The following PPHLN1 variants were observed in gnomAD, a reference collection of about 807,000 sequenced individuals.
PPHLN1 encodes periphilin 1.
Under a neutral mutation model 51.3 loss-of-function variants are expected in PPHLN1, and 29 were observed. The ratio of observed to expected loss-of-function variants is 0.57; its 90% CI spans 0.42 to 0.77. The LOEUF is 0.77. Ranked by LOEUF, PPHLN1 falls within the 30% of genes least tolerant of loss-of-function variation. The pLI is 0.00. For missense variants in PPHLN1, 436 were observed against 438.4 expected, an observed-to-expected ratio of 0.99 and a Z score of 0.05; for synonymous variants, 147 against 147.8, an observed-to-expected ratio of 0.99 and a Z score of 0.04.
chr12:42,439,227 G>C (rs1259488241), intron 9 of PPHLN1, among the ~76,000 whole-genome samples: 1 of 152,174 alleles, frequency 6.6e-6, no homozygotes, highest in African/African-American at 2.4e-5. Context: ...AAAGGTATAA[G>C]ATCTGTGTCT....
chr12:42,441,475 A>G lies in PPHLN1; in HGVS notation c.1070A>G (p.Asp357Gly), dbSNP rs1199959447. ...CTCAAGCATTTCATTGCAGAGTATG[A>G]TACTTCCACTCAAGATTTTGGAGAG... ...EELKHFIAEY[D>G]TSTQDFGEPF is the part of the protein sequence containing the mutation. The change falls in exon 10 of 10, where the codon GAT becomes GGT. Residue 357 changes from aspartate to glycine, a missense_variant. By Grantham distance (94) the Asp-to-Gly change is moderately conservative (BLOSUM62 -1). Coordinates refer to ENST00000358314, the MANE Select transcript of PPHLN1 (RefSeq NM_201439.2). 1 of 1,608,294 alleles carries G rather than the reference A, an allele frequency of 6.2e-7. No individual in the cohort carries two copies. The highest frequency in any genetic ancestry group is 1.1e-5 in the South Asian group (1 of 89,152).
rs2082949866 is a variant in PPHLN1 at position 42,441,466 on chromosome 12, C to G, written c.1061C>G (p.Ala354Gly). The G allele has an allele frequency of 6.2e-7, 1 of 1,611,672 alleles. No individual in the cohort carries two copies. The highest frequency in any genetic ancestry group is 1.3e-5 in the African/African-American group (1 of 74,354). Residue 354 changes from alanine (A) to glycine (G), a missense_variant, in exon 10 of 10, where the codon GCA (alanine) becomes GGA (glycine). Physicochemically the swap from Ala to Gly is moderately conservative, Grantham distance 60. Coordinates refer to ENST00000358314, the MANE Select transcript of PPHLN1 (RefSeq NM_201439.2). The stretch of plus-strand genomic sequence containing the variant: ...GTTGAAGAACTCAAGCATTTCATTG[C>G]AGAGTATGATACTTCCACTCAAGAT... ...RCVEELKHFI[A>G]EYDTSTQDFG...
intron 4 of PPHLN1, among the ~76,000 whole-genome samples, chr12:42,360,110 C>CAAAAAAAAAAAAAAA (rs10643805): frequency 2.8e-4 from 35 of 123,094 alleles, no homozygotes; most frequent in African/African-American, 5.6e-4. Context: ...GACTCCATCT[C>CAAAAAAAAAAAAAAA]AAAAAAAAAA....
intron 4 of PPHLN1, among the ~76,000 whole-genome samples, chr12:42,363,700 G>A (rs1246550550): frequency 6.6e-6 from 1 of 152,052 alleles, no homozygotes; most frequent in Non-Finnish European, 1.5e-5. Flanking sequence ...CATGCCTGGT[G>A]AAGTTATCTA....
chr12:42,373,670 A>T (rs2075996719), intron 4 of PPHLN1, among the ~76,000 whole-genome samples: 1 of 152,170 alleles, frequency 6.6e-6, no homozygotes, highest in South Asian at 2.1e-4. Context: ...TTAGTTGATG[A>T]TGGTTTCATT....
intron 9 of PPHLN1, among the ~76,000 whole-genome samples, chr12:42,401,400 G>T (rs1356701576): frequency 6.6e-6 from 1 of 151,158 alleles, no homozygotes; most frequent in African/African-American, 2.4e-5. Flanking sequence ...TTATGAAAAT[G>T]TTTATTTTTC....
At chr12:42,443,892 G>A (rs1292013422), downstream of PPHLN1, 1 of 152,150 alleles carries the variant, frequency 6.6e-6, no homozygotes, top group Non-Finnish European at 1.5e-5. Flanking sequence ...TACAATACCA[G>A]CTATCAACAA....
intron 7 of PPHLN1, among the ~76,000 whole-genome samples, chr12:42,388,874 T>A (rs560982470): frequency 5.3e-5 from 8 of 152,270 alleles, no homozygotes; most frequent in African/African-American, 1.9e-4. Flanking sequence ...CCCAGGAGGT[T>A]GAGCCAGCAG....
chr12:42,381,399 A>G (rs534604389), intron 5 of PPHLN1, among the ~76,000 whole-genome samples: 3 of 152,316 alleles, frequency 2.0e-5, no homozygotes, highest in East Asian at 1.9e-4. Context: ...ATGTGTGCAG[A>G]TGATGTTTTC....
chr12:42,418,087 C>T (rs2080605899), intron 9 of PPHLN1, among the ~76,000 whole-genome samples: 1 of 150,954 alleles, frequency 6.6e-6, no homozygotes, highest in Admixed American at 6.6e-5. Context: ...CTACAGGCCC[C>T]TGCCACCAAG....
At chr12:42,347,634 G>C (rs2072554576) in intron 2 of PPHLN1, among the ~76,000 whole-genome samples, 1 of 152,072 alleles carries the variant, frequency 6.6e-6, no homozygotes, top group Non-Finnish European at 1.5e-5. Flanking sequence ...ACAAAAATTA[G>C]CTGGGCATGG....
downstream of PPHLN1, chr12:42,446,370 C>CT (rs1309257779): frequency 2.0e-6 from 3 of 1,494,830 alleles, no homozygotes; most frequent in African/African-American, 4.2e-5. Context: ...CTAAATCTGC[C>CT]TTTTTTCAGC....
At chr12:42,342,534 C>T (rs1474328781) in intron 2 of PPHLN1, among the ~76,000 whole-genome samples, 2 of 152,124 alleles carry the variant, frequency 1.3e-5, no homozygotes, top group Non-Finnish European at 2.9e-5. Flanking sequence ...CATAAAATGT[C>T]GATTTTTTCA....
intron 1 of PPHLN1, among the ~76,000 whole-genome samples, chr12:42,331,596 A>G (rs1195594615): frequency 6.6e-6 from 1 of 152,242 alleles, no homozygotes; most frequent in African/African-American, 2.4e-5. Context: ...TATATTAAAC[A>G]TACCGTCTTC....
rs150349023 is a variant in PPHLN1, at chr12:42,441,329, C to G, written c.924C>G (p.Asp308Glu). Residue 308 changes from aspartate (D) to glutamate (E), a missense_variant, in exon 10 of 10, where the codon GAC (aspartate) becomes GAG (glutamate). Coordinates refer to ENST00000358314, the MANE Select transcript of PPHLN1 (RefSeq NM_201439.2). ...TTACCTTTTAGGTTTACCGACAAGA[C>G]TGTGAAACTTTCGGGATGGTGGTGA... The part of the protein sequence containing the change: ...TKEIEQVYRQ[D>E]CETFGMVVKM... 2.5e-5 allele frequency: 40 copies of G among 1,611,770 alleles called. No individual in the cohort carries two copies. The Admixed American group carries it at 5.2e-4, about 21-fold the overall frequency.
rs1380880945 is a variant in PPHLN1, at chr12:42,417,952, T to TC, written c.909+18958_909+18959insC. Among the ~76,000 whole-genome samples the TC allele has an allele frequency of 2.4e-5, 3 of 124,280 alleles. 1 individual carries two copies. Among genetic ancestry groups the TC allele is most frequent in the Middle Eastern group, 5.6e-3 (1 of 180 alleles). 81.5% of individuals were successfully genotyped at this position (124,280 alleles called of 152,430 possible). A position where few individuals can be genotyped will look rare whatever the true frequency, so the allele number is the denominator to read the frequency against. On this transcript the variant is annotated intron_variant, in intron 9 of 9. Coordinates refer to ENST00000358314, the MANE Select transcript of PPHLN1 (RefSeq NM_201439.2). Reference sequence around the variant, plus strand: ...TTTTTGTTTTTTTTTTGTTTTTTTTTTTTTTGAGACAGAGTCTCGCTCTGT... The same window carrying TC: ...TTTTTGTTTTTTTTTTGTTTTTTTTTCTTTTTGAGACAGAGTCTCGCTCTGT...
intron 9 of PPHLN1, among the ~76,000 whole-genome samples, chr12:42,405,175 C>T (rs1184988427): frequency 6.6e-6 from 1 of 152,146 alleles, no homozygotes; most frequent in Non-Finnish European, 1.5e-5. Context: ...ATTAATGTTT[C>T]CTCCTTAGAA....
chr12:42,445,316 A>G, downstream of PPHLN1: 1 of 566,844 alleles, frequency 1.8e-6, no homozygotes, highest in Non-Finnish European at 3.1e-6. Context: ...TTACCCAGAG[A>G]CTAGCTAAAC....
chr12:42,388,888 G>A (rs2077426685), intron 7 of PPHLN1, among the ~76,000 whole-genome samples: 2 of 152,214 alleles, frequency 1.3e-5, no homozygotes, highest in Admixed American at 1.3e-4. Flanking sequence ...CCAGCAGTGA[G>A]CTATGATTGC....
Sources: gnomAD v4.1 joint callset for allele counts (sites outside exome capture counted in the v4.1 genomes callset) on GRCh38, gnomAD v4.1.1 for gene constraint, MANE v1.5 for transcripts, NCBI Gene and HGNC (gene_info 2026-07-23, HGNC 2026-07-21) for gene names.